The following MAPK4 variants were observed in gnomAD, a reference collection of about 807,000 sequenced individuals.
The protein encoded by MAPK4 is Erk3-related.
Under a neutral mutation model 47.7 loss-of-function variants are expected in MAPK4, and 22 were observed. That is an observed-to-expected ratio of 0.46 (90% CI 0.33 to 0.66). MAPK4 has a LOEUF of 0.66. Ranked by LOEUF, MAPK4 falls within the 30% of genes least tolerant of loss-of-function variation. The pLI is 0.02. For missense variants in MAPK4, 736 were observed against 831.7 expected, an observed-to-expected ratio of 0.88 and a Z score of 1.42; for synonymous variants, 390 against 365.7, an observed-to-expected ratio of 1.07 and a Z score of -0.76.
chr18:50,691,899 C>A (rs1268762891), intron 2 of MAPK4, among the ~76,000 whole-genome samples: 1 of 119,378 alleles, frequency 8.4e-6, no homozygotes, highest in Admixed American at 8.7e-5. Context: ...ATCTGTCTAC[C>A]CCTTCCCTAC....
intron 1 of MAPK4, among the ~76,000 whole-genome samples, chr18:50,607,837 G>A (rs1443389809): frequency 6.6e-6 from 1 of 152,190 alleles, no homozygotes; most frequent in Non-Finnish European, 1.5e-5. Flanking sequence ...AGCTGTGACT[G>A]TCATCTCTGA....
chr18:50,673,244 T>C (rs925868874), intron 2 of MAPK4, among the ~76,000 whole-genome samples: 1 of 152,020 alleles, frequency 6.6e-6, no homozygotes, highest in South Asian at 2.1e-4. Context: ...ACCACTTCAC[T>C]CCAGCCTAAG....
chr18:50,631,412 A>G (rs1184988394), intron 1 of MAPK4, among the ~76,000 whole-genome samples: 1 of 152,178 alleles, frequency 6.6e-6, no homozygotes, highest in Non-Finnish European at 1.5e-5. Context: ...CAGAAAAAGG[A>G]AGAGGAAATT....
chr18:50,581,838 A>G (rs983411504), intron 1 of MAPK4, among the ~76,000 whole-genome samples: 5 of 152,226 alleles, frequency 3.3e-5, no homozygotes, highest in South Asian at 2.1e-4. Context: ...GGAAAGTTAC[A>G]TGTAAATTTT....
At position 50,664,581 on chromosome 18, in the gene MAPK4, C is replaced by A. The variant is rs1179528846; in HGVS notation, c.546+77C>A. 1.4e-6 allele frequency: 2 copies of A among 1,463,802 alleles called. No individual in the cohort carries two copies. Among genetic ancestry groups the A allele is most frequent in the African/African-American group, 2.8e-5 (2 of 71,482 alleles). 90.7% of individuals were successfully genotyped at this position (1,463,802 alleles called of 1,614,324 possible). A position where few individuals can be genotyped will look rare whatever the true frequency, so the allele number is the denominator to read the frequency against. On this transcript the variant is annotated intron_variant, in intron 2 of 5. Coordinates refer to ENST00000400384, the MANE Select transcript of MAPK4 (RefSeq NM_002747.4). This position sits in a 1 kb window ranked among gnomAD's most constrained non-coding sequence, Gnocchi z 6.0. ...TACTTGCAGCATTCCCAAGCTATTC[C>A]TAGCTCCATGGTAGTCAGAGGACTA...
intron 1 of MAPK4, among the ~76,000 whole-genome samples, chr18:50,633,067 G>A (rs904017468): frequency 1.9e-4 from 29 of 152,276 alleles, no homozygotes; most frequent in African/African-American, 7.0e-4. Flanking sequence ...TGGATTCCTG[G>A]ACAATAAGGA....
intron 1 of MAPK4, among the ~76,000 whole-genome samples, chr18:50,595,910 G>A (rs989441694): frequency 5.3e-5 from 8 of 151,864 alleles, no homozygotes; most frequent in Non-Finnish European, 1.0e-4. Flanking sequence ...CTTCTTTTTA[G>A]ACGTGAATTA....
At chr18:50,605,103 G>T (rs929110602) in intron 1 of MAPK4, among the ~76,000 whole-genome samples, 4 of 152,202 alleles carry the variant, frequency 2.6e-5, no homozygotes, top group Non-Finnish European at 2.9e-5. Context: ...TGATGCAGAT[G>T]CCATCAACCC....
intron 1 of MAPK4, among the ~76,000 whole-genome samples, chr18:50,616,340 T>C (rs2042684436): frequency 6.6e-6 from 1 of 152,164 alleles, no homozygotes; most frequent in African/African-American, 2.4e-5. Context: ...TACTCAACTC[T>C]CCTCAGCCTC....
At chr18:50,590,089 G>C (rs2042424133) in intron 1 of MAPK4, among the ~76,000 whole-genome samples, 1 of 152,194 alleles carries the variant, frequency 6.6e-6, no homozygotes, top group Non-Finnish European at 1.5e-5. Flanking sequence ...TCCAGATCCA[G>C]TTCCTCTATT....
At chr18:50,701,721 A>G (rs1421622709) in intron 2 of MAPK4, among the ~76,000 whole-genome samples, 1 of 152,216 alleles carries the variant, frequency 6.6e-6, no homozygotes, top group Non-Finnish European at 1.5e-5. Context: ...TAATTCAAAG[A>G]GAATAGAAGT....
At chr18:50,630,275 G>T (rs750716417) in intron 1 of MAPK4, among the ~76,000 whole-genome samples, 1 of 152,140 alleles carries the variant, frequency 6.6e-6, no homozygotes, top group Non-Finnish European at 1.5e-5. Context: ...TGCAACCTCC[G>T]CCTCCTAGGT....
At chr18:50,634,351 G>A (rs1316619643) in intron 1 of MAPK4, among the ~76,000 whole-genome samples, 14 of 144,048 alleles carry the variant, frequency 9.7e-5, no homozygotes, top group Middle Eastern at 3.8e-3. Flanking sequence ...ATTGAGGAAC[G>A]CATGCTCTCA....
chr18:50,625,306 G>A (rs1268066597), intron 1 of MAPK4, among the ~76,000 whole-genome samples: 1 of 152,168 alleles, frequency 6.6e-6, no homozygotes, highest in Admixed American at 6.5e-5. Context: ...CAGAATCTTG[G>A]GATGCTAAGA....
At chr18:50,687,753 A>G (rs1451763593) in intron 2 of MAPK4, among the ~76,000 whole-genome samples, 1 of 151,556 alleles carries the variant, frequency 6.6e-6, no homozygotes, top group Non-Finnish European at 1.5e-5. Context: ...GACAAGCAAA[A>G]CCCCCACAGA....
intron 3 of MAPK4, among the ~76,000 whole-genome samples, chr18:50,716,873 C>T (rs949438191): frequency 2.6e-5 from 4 of 152,142 alleles, no homozygotes; most frequent in African/African-American, 7.2e-5. Flanking sequence ...GTACACAGAG[C>T]GGGATAGAGC....
intron 1 of MAPK4, among the ~76,000 whole-genome samples, chr18:50,575,807 A>G (rs1340412084): frequency 6.6e-6 from 1 of 151,874 alleles, no homozygotes. Flanking sequence ...AAAAAAAAAA[A>G]AAAAAACCAT....
chr18:50,641,966 C>T (rs1484990590), intron 1 of MAPK4, among the ~76,000 whole-genome samples: 1 of 152,180 alleles, frequency 6.6e-6, no homozygotes, highest in African/African-American at 2.4e-5. Context: ...GGCAACATTA[C>T]TTCCGAAAGC....
At chr18:50,684,798 T>G (rs1908779195) in intron 2 of MAPK4, among the ~76,000 whole-genome samples, 1 of 151,900 alleles carries the variant, frequency 6.6e-6, no homozygotes, top group Non-Finnish European at 1.5e-5. Flanking sequence ...CCAGAAGGCA[T>G]CAGTGGGAAG....
Sources: gnomAD v4.1 joint callset for allele counts (sites outside exome capture counted in the v4.1 genomes callset) on GRCh38, gnomAD v4.1.1 for gene constraint, Gnocchi (gnomAD v3.1) non-coding constraint, MANE v1.5 for transcripts, NCBI Gene and HGNC (gene_info 2026-07-23, HGNC 2026-07-21) for gene names.